The following CCNL2 variants were observed in gnomAD, a reference collection of about 807,000 sequenced individuals.
The protein encoded by CCNL2 is cyclin L2, also known as cyclin-L2.
CCNL2 carries 28 observed loss-of-function variants against 59.1 expected under a neutral mutation model. The observed-to-expected ratio is 0.47, with a 90% CI of 0.35 to 0.65. The LOEUF (loss-of-function observed/expected upper bound fraction) is 0.65. Ranked by LOEUF, CCNL2 falls within the 30% of genes least tolerant of loss-of-function variation. The pLI is 0.00. For missense variants in CCNL2, 714 were observed against 717.4 expected (o/e 1.00, Z 0.05); for synonymous variants, 342 against 288.6 (o/e 1.19, Z -1.88).
intron 3 of CCNL2, among the ~76,000 whole-genome samples, chr1:1,397,073 G>C (rs1013394100): frequency 6.6e-6 from 1 of 152,084 alleles, no homozygotes; most frequent in Non-Finnish European, 1.5e-5. Flanking sequence ...ATAGGGACAG[G>C]GTTTCACCAT....
Position 1,399,331 on chromosome 1 carries a change from C to T in CCNL2, c.-25G>A, listed in dbSNP as rs554392807. 7 of 1,430,376 alleles carry T rather than the reference C, an allele frequency of 4.9e-6. No individual in the cohort carries two copies. The highest frequency in any genetic ancestry group is 1.8e-6 in the Non-Finnish European group (2 of 1,102,008). 88.6% of individuals were successfully genotyped at this position (1,430,376 alleles called of 1,614,324 possible). On this transcript the variant is annotated 5_prime_UTR_variant, in exon 1 of 11. Coordinates refer to ENST00000400809, the MANE Select transcript of CCNL2 (RefSeq NM_030937.6). Reference sequence around the variant, plus strand: ...TTTTGTGCCGCCGACTCCCCTTCGGCTTCTTCCCTCAGGGCGGCTCCTCGC... The same window carrying T: ...TTTTGTGCCGCCGACTCCCCTTCGGTTTCTTCCCTCAGGGCGGCTCCTCGC...
intron 2 of CCNL2, 90 bp downstream of exon 2, chr1:1,398,507 G>C (rs1191150055): frequency 9.5e-6 from 15 of 1,572,412 alleles, no homozygotes; most frequent in African/African-American, 1.4e-5. Flanking sequence ...TGGGGGGCAA[G>C]TACTCACTCC....
chr1:1,398,728 C>T (rs1245708130), intron 1 of CCNL2, 57 bp from the exon 2 acceptor site: 3 of 1,490,490 alleles, frequency 2.0e-6, no homozygotes, highest in Non-Finnish European at 2.8e-6. Context: ...CCTTCGCGGC[C>T]GAAAGTCATC....
At chr1:1,393,080 G>GT in intron 5 of CCNL2, 1 of 588,618 alleles carries the variant, frequency 1.7e-6, no homozygotes, top group Non-Finnish European at 3.0e-6. Context: ...GCACTAGCCT[G>GT]TCCCTCCACC....
At chr1:1,391,599 CAGAAGCAACACAATACTG>C (rs1644765817) in intron 5 of CCNL2, 1 of 1,283,298 alleles carries the variant, frequency 7.8e-7, no homozygotes, top group African/African-American at 1.5e-5. Flanking sequence ...TTCATAGAAT[CAGAAGCAACACAATACTG>C]AGAAGCAACA....
intron 8 of CCNL2, chr1:1,388,959 C>T (rs920624008): frequency 1.7e-5 from 4 of 230,396 alleles, no homozygotes; most frequent in Non-Finnish European, 3.5e-5. Flanking sequence ...CCTGCAATCC[C>T]AGCTACTTGG....
rs1258300248 is a variant in CCNL2 at position 1,398,922 on chromosome 1, G to A, written c.288+97C>T. 26 of 1,454,402 alleles carry A rather than the reference G, an allele frequency of 1.8e-5. No individual in the cohort carries two copies. The South Asian group carries it at 3.6e-4, about 20-fold the overall frequency. The allele number at this position is 1,454,402 out of a possible 1,614,324, so 90.1% of individuals were successfully genotyped here. The stretch of plus-strand genomic sequence containing the variant: ...GGTCGGGGCAGGGGCTGGGGTCGGG[G>A]TCTAGGCGGGGGCGGTGCGGGCCCG... On this transcript the variant is annotated intron_variant, in intron 1 of 10. Coordinates refer to ENST00000400809, the MANE Select transcript of CCNL2 (RefSeq NM_030937.6).
chr1:1,398,226 G>A lies in CCNL2; in HGVS notation c.473+7C>T, dbSNP rs755954125. ...TATGATAGACTAGACAGCTCTGACT[G>A]ACTCACTTTTTGTCTCTCAGCTGTC... On this transcript the variant is annotated splice_region_variant and intron_variant, in intron 3 of 10. Transcript: ENST00000400809. 3.1e-5 allele frequency: 50 copies of A among 1,613,666 alleles called. No individual in the cohort carries two copies. Among genetic ancestry groups the A allele is most frequent in the Non-Finnish European group, 4.2e-5 (49 of 1,179,588 alleles).
At position 1,386,976 on chromosome 1, in the gene CCNL2, C is replaced by T. The variant is rs878873439; in HGVS notation, c.*255G>A. ...ATTGAGCTGCCCTCAGAGCTGCTGC[C>T]GAGCTGAGCCCTGCACGGGCCCAGG... On this transcript the variant is annotated 3_prime_UTR_variant, in exon 11 of 11. Coordinates refer to ENST00000400809, the MANE Select transcript of CCNL2 (RefSeq NM_030937.6). 4.0e-5 allele frequency: 17 copies of T among 423,172 alleles called. No individual in the cohort carries two copies. The South Asian group carries it at 1.0e-3, about 25-fold the overall frequency. 26.2% of individuals were successfully genotyped at this position (423,172 alleles called of 1,614,324 possible).
At position 1,399,133 on chromosome 1, in the gene CCNL2, C is replaced by T; in HGVS notation, c.174G>A (p.Lys58=). The T allele has an allele frequency of 2.5e-6, 4 of 1,612,310 alleles. No homozygotes were observed. Among genetic ancestry groups the T allele is most frequent in the Non-Finnish European group, 3.4e-6 (4 of 1,179,532 alleles). ...TCGACATGGACGGCGTGAAACGGAGCTTGTCGTCAGGCAGGAGGCAGTTCT... is the reference window on the plus strand; with the variant it reads ...TCGACATGGACGGCGTGAAACGGAGTTTGTCGTCAGGCAGGAGGCAGTTCT... The part of the protein sequence containing the change: ...TLENCLLPDD[K]LRFTPSMSSG... The change falls in exon 1 of 11, where the codon AAG becomes AAA. Residue 58 remains lysine (K), a synonymous_variant. Coordinates refer to ENST00000400809, the MANE Select transcript of CCNL2 (RefSeq NM_030937.6).
chr1:1,387,609 C>A lies in CCNL2; in HGVS notation c.1212-27G>T, dbSNP rs772644120. The A allele has an allele frequency of 2.7e-6, 4 of 1,466,516 alleles. No homozygotes were observed. The East Asian group carries it at 7.4e-5, about 27-fold the overall frequency. 90.8% of individuals were successfully genotyped at this position (1,466,516 alleles called of 1,614,324 possible). On this transcript the variant is annotated intron_variant, in intron 10 of 10. Transcript: ENST00000400809. ...TGGGAGGAAGAACAGCACCACCACA[C>A]GTGTGACCATCTGGCCCGGCCAGGC...
At chr1:1,397,445 T>A (rs142267230) in intron 3 of CCNL2, among the ~76,000 whole-genome samples, 1,527 of 152,198 alleles carry the variant, frequency 0.01, 9 homozygotes, top group Non-Finnish European at 0.014. Flanking sequence ...AGGTGTGAGC[T>A]CCCACATCTG....
Position 1,399,093 on chromosome 1 carries a change from C to G in CCNL2, c.214G>C (p.Asp72His), listed in dbSNP as rs1399229663. Reference sequence around the variant, plus strand: ...ACCACGCGGAGGTCGGTCTCTGTGTCGGTGTCGAGGCCGCTCGACATGGAC... The same window carrying G: ...ACCACGCGGAGGTCGGTCTCTGTGTGGGTGTCGAGGCCGCTCGACATGGAC... The part of the protein sequence containing the change: ...TPSMSSGLDT[D>H]TETDLRVVGC... Residue 72 changes from aspartate to histidine, a missense_variant, in exon 1 of 11, where the codon GAC becomes CAC. Coordinates refer to ENST00000400809, the MANE Select transcript of CCNL2 (RefSeq NM_030937.6). 6.2e-7 allele frequency: 1 copy of G among 1,611,712 alleles called. No homozygotes were observed. The highest frequency in any genetic ancestry group is 1.3e-5 in the African/African-American group (1 of 74,650).
chr1:1,392,364 C>T (rs757966015), intron 5 of CCNL2: 16 of 1,046,912 alleles, frequency 1.5e-5, no homozygotes, highest in Non-Finnish European at 1.8e-5. Context: ...AAGATGCACA[C>T]CTTTTACCAG....
intron 5 of CCNL2, chr1:1,391,516 G>A (rs1364127705): frequency 1.5e-6 from 2 of 1,303,636 alleles, no homozygotes; most frequent in Admixed American, 2.3e-5. Context: ...CGCACCCAAG[G>A]GCAGGCCTCT....
intron 5 of CCNL2, chr1:1,392,608 G>C: frequency 6.9e-7 from 1 of 1,445,582 alleles, no homozygotes; most frequent in Non-Finnish European, 9.1e-7. Context: ...AAGCACGACA[G>C]AGGATTAACA....
In CCNL2 at chr1:1,399,016, C is replaced by G; in HGVS notation, c.288+3G>C. ...GGCCGGAGGCTCGCGGCCGCGCCCT[C>G]ACCTGCGGCAGGCGGAGCAGGATAC... On this transcript the variant is annotated splice_donor_region_variant and intron_variant, in intron 1 of 10. Transcript: ENST00000400809. 6.3e-7 allele frequency: 1 copy of G among 1,593,842 alleles called. No homozygotes were observed. The highest frequency in any genetic ancestry group is 8.5e-7 in the Non-Finnish European group (1 of 1,172,446).
rs1319778075 is a variant in CCNL2 at position 1,390,496 on chromosome 1, A to G, written c.827T>C (p.Ile276Thr). 6 of 1,613,748 alleles carry G rather than the reference A, an allele frequency of 3.7e-6. No individual in the cohort carries two copies. The highest frequency in any genetic ancestry group is 5.1e-6 in the Non-Finnish European group (6 of 1,179,944). The change falls in exon 7 of 11, where the codon ATC becomes ACC. Residue 276 changes from isoleucine to threonine, a missense_variant. Around this residue, in one of 5 missense-constraint regions of CCNL2, gnomAD observed 403 missense variants for 377.7 expected, o/e 1.07. Coordinates refer to ENST00000400809, the MANE Select transcript of CCNL2 (RefSeq NM_030937.6). The stretch of plus-strand genomic sequence containing the variant: ...ATAAAGCTGCAAGATCTTTAAGCAG[A>G]TTTCCTGAATTTCTTCTTCAGTTGC... ...FGATEEEIQE[I>T]CLKILQLYAR...
intron 5 of CCNL2, chr1:1,392,489 ATT>A: frequency 1.6e-6 from 2 of 1,247,614 alleles, no homozygotes; most frequent in Non-Finnish European, 2.0e-6. Flanking sequence ...TTTCCATAGC[ATT>A]TTTTTTTAAG....
Sources: allele counts gnomAD v4.1 joint callset (sites outside exome capture counted in the v4.1 genomes callset), GRCh38; gene constraint gnomAD v4.1.1; regional missense constraint gnomAD v4.1.1; transcripts MANE v1.5; gene names NCBI Gene and HGNC (gene_info 2026-07-23, HGNC 2026-07-21).